The following CLDN1 variants were observed in gnomAD, a reference collection of about 807,000 sequenced individuals.
The protein encoded by CLDN1 is claudin-1.
In CLDN1, 12 loss-of-function variants were observed where a neutral mutation model predicts 22.6. The ratio of observed to expected loss-of-function variants is 0.53; its 90% CI spans 0.34 to 0.86. The LOEUF (loss-of-function observed/expected upper bound fraction) is 0.86. Ranked by LOEUF, CLDN1 falls within the 40% of genes least tolerant of loss-of-function variation. The pLI is 0.02. For missense variants in CLDN1, 250 were observed against 269.5 expected (o/e 0.93, Z 0.51); for synonymous variants, 99 against 103.8 (o/e 0.95, Z 0.28).
chr3:190,321,383 T>A (rs1716917602), intron 1 of CLDN1, among the ~76,000 whole-genome samples: 1 of 151,920 alleles, frequency 6.6e-6, no homozygotes, highest in Non-Finnish European at 1.5e-5. Context: ...CTCCAAAGAG[T>A]CTTGCAAGGG....
In CLDN1 at chr3:190,310,228, T is replaced by A. The variant is rs769700524; in HGVS notation, c.414A>T (p.Ala138=). ...CTTGAACGATTCTATTGCCATACCA[T>A]GCTGTGGCAACTAAAATAGCCAGAC... ...LAGLAILVAT[A]WYGNRIVQEF... The change falls in exon 3 of 4, where the codon GCA becomes GCT. Residue 138 remains alanine, a synonymous_variant. Coordinates refer to ENST00000295522, the MANE Select transcript of CLDN1 (RefSeq NM_021101.5). 1.9e-6 allele frequency: 3 copies of A among 1,613,786 alleles called. No individual in the cohort carries two copies. The East Asian group carries it at 6.7e-5, about 36-fold the overall frequency.
Position 190,322,106 on chromosome 3 carries a change from G to A in CLDN1, c.101C>T (p.Ser34Phe), listed in dbSNP as rs759722267. ...GGTCACGATGTTGTCGCCGGCATAG[G>A]AGTAAATCCTCCACTGGGGCAGGGC... ...STALPQWRIY[S>F]YAGDNIVTAQ... is the part of the protein sequence containing the mutation. The change falls in exon 1 of 4, where the codon TCC becomes TTC. Residue 34 changes from serine (S) to phenylalanine (F), a missense_variant. Physicochemically the swap from Ser to Phe is radical, Grantham distance 155. Transcript: ENST00000295522. The A allele has an allele frequency of 1.2e-6, 2 of 1,614,226 alleles. No individual in the cohort carries two copies. Among genetic ancestry groups the A allele is most frequent in the Non-Finnish European group, 1.7e-6 (2 of 1,180,046 alleles).
chr3:190,309,126 T>G (rs1716539648), intron 3 of CLDN1, among the ~76,000 whole-genome samples: 1 of 152,170 alleles, frequency 6.6e-6, no homozygotes, highest in Non-Finnish European at 1.5e-5. Context: ...GATAGCAACT[T>G]CACCTCTCAG....
chr3:190,312,743 T>C (rs1344531357), intron 2 of CLDN1, 129 bp downstream of exon 2: 1 of 985,188 alleles, frequency 1.0e-6, no homozygotes, highest in Non-Finnish European at 1.6e-6. Context: ...GAAAGTCAAC[T>C]GGACTTCAGG....
chr3:190,313,980 A>G (rs1258682194), intron 1 of CLDN1, among the ~76,000 whole-genome samples: 1 of 152,196 alleles, frequency 6.6e-6, no homozygotes, highest in Non-Finnish European at 1.5e-5. Flanking sequence ...TTCTAGATTT[A>G]TGTCCTCCTT....
At chr3:190,308,545 A>T in intron 3 of CLDN1, 106 bp from the exon 4 acceptor site, 1 of 1,073,782 alleles carries the variant, frequency 9.3e-7, no homozygotes, top group Non-Finnish European at 1.4e-6. Context: ...TTTCATTGAA[A>T]ATAACCCCTG....
intron 1 of CLDN1, among the ~76,000 whole-genome samples, chr3:190,316,807 T>G (rs1445124435): frequency 1.3e-5 from 2 of 152,174 alleles, no homozygotes; most frequent in Non-Finnish European, 2.9e-5. Context: ...GTAAAAATAC[T>G]TATTCTCTTG....
Position 190,305,748 on chromosome 3 carries a change from C to T in CLDN1, c.*2529G>A, listed in dbSNP as rs918015526. On this transcript the variant is annotated 3_prime_UTR_variant, in exon 4 of 4. Coordinates refer to ENST00000295522, the MANE Select transcript of CLDN1 (RefSeq NM_021101.5). Reference sequence around the variant, plus strand: ...AACAATTTATTGAAAAAGAGTAATGCTTTATACAAATTCCTATTATAAAAC... The same window carrying T: ...AACAATTTATTGAAAAAGAGTAATGTTTTATACAAATTCCTATTATAAAAC... 1 of 152,124 alleles carries T rather than the reference C, an allele frequency of 6.6e-6. No homozygotes were observed. The highest frequency in any genetic ancestry group is 2.4e-5 in the African/African-American group (1 of 41,402). The allele number at this position is 152,124 out of a possible 1,614,324, so 9.4% of individuals were successfully genotyped here. A position where few individuals can be genotyped will look rare whatever the true frequency, so the allele number is the denominator to read the frequency against.
Position 190,308,076 on chromosome 3 carries a change from T to G in CLDN1, c.*201A>C. 1.7e-6 allele frequency: 1 copy of G among 590,430 alleles called. No homozygotes were observed. Among genetic ancestry groups the G allele is most frequent in the Non-Finnish European group, 2.9e-6 (1 of 339,726 alleles). The allele number at this position is 590,430 out of a possible 1,614,324, so 36.6% of individuals were successfully genotyped here. A position where few individuals can be genotyped will look rare whatever the true frequency, so the allele number is the denominator to read the frequency against. ...AAATGGAAAAATCTTCCCTCCTATA[T>G]TGAGGAAAGAAGATAAAATAAGATT... On this transcript the variant is annotated 3_prime_UTR_variant, in exon 4 of 4. Transcript: ENST00000295522.
intron 2 of CLDN1, among the ~76,000 whole-genome samples, chr3:190,311,251 G>T (rs191957047): frequency 6.6e-6 from 1 of 152,316 alleles, no homozygotes; most frequent in African/African-American, 2.4e-5. Flanking sequence ...AGAATGCAAT[G>T]CATTTCATCC....
Position 190,308,435 on chromosome 3 carries a change from C to A in CLDN1, c.478G>T (p.Glu160Ter). 1 of 1,613,378 alleles carries A rather than the reference C, an allele frequency of 6.2e-7. No individual in the cohort carries two copies. Among genetic ancestry groups the A allele is most frequent in the South Asian group, 1.1e-5 (1 of 91,044 alleles). Reference protein sequence around the residue: ...DPMTPVNARYEFGQALFTGWA... With the variant: ...DPMTPVNARY ...CCAGTGAAGAGAGCCTGACCAAATT[C>A]GTACCTAAAAGGAAAAACCCATGTG... Residue 160 changes from glutamate (E) to a stop codon, truncating the protein, a stop_gained, in exon 4 of 4, where the codon GAA becomes TAA. Coordinates refer to ENST00000295522, the MANE Select transcript of CLDN1 (RefSeq NM_021101.5). LOFTEE classifies it high-confidence loss of function.
chr3:190,322,385 G>A lies in CLDN1; in HGVS notation c.-179C>T. ...TGGGTCGGGGTTGGGGTCCGCGCCC[G>A]GGGCGGCGCTGGAGTCTGGATACTA... On this transcript the variant is annotated 5_prime_UTR_variant, in exon 1 of 4. Coordinates refer to ENST00000295522, the MANE Select transcript of CLDN1 (RefSeq NM_021101.5). 1.5e-6 allele frequency: 1 copy of A among 645,688 alleles called. No individual in the cohort carries two copies. Among genetic ancestry groups the A allele is most frequent in the South Asian group, 1.8e-5 (1 of 55,594 alleles). The allele number at this position is 645,688 out of a possible 1,614,324, so 40.0% of individuals were successfully genotyped here.
Position 190,311,749 on chromosome 3 carries a change from G to GAT in CLDN1, c.388+1121_388+1122dup, listed in dbSNP as rs571849327. ...ATATAACACAGTGTATAGATATAAA[G>GAT]ATATATATATACACACAGAGAGATT... On this transcript the variant is annotated intron_variant, in intron 2 of 3. Transcript: ENST00000295522. Among the ~76,000 whole-genome samples the GAT allele has an allele frequency of 3.3e-3, 491 of 150,978 alleles. 4 individuals carry two copies. Among genetic ancestry groups the GAT allele is most frequent in the Non-Finnish European group, 5.6e-3 (382 of 67,784 alleles).
chr3:190,322,061 C>A lies in CLDN1; in HGVS notation c.146G>T (p.Gly49Val), dbSNP rs1374844180. 5 of 1,614,174 alleles carry A rather than the reference C, an allele frequency of 3.1e-6. No homozygotes were observed. Among genetic ancestry groups the A allele is most frequent in the Non-Finnish European group, 4.2e-6 (5 of 1,180,032 alleles). Residue 49 changes from glycine to valine, a missense_variant, in exon 1 of 4, where the codon GGG becomes GTG. Gly to Val is a moderately radical substitution (Grantham distance 109). Transcript: ENST00000295522. ...CTGCGACACGCAGGACATCCACAGC[C>A]CCTCGTACATGGCCTGGGCGGTCAC... ...NIVTAQAMYE[G>V]LWMSCVSQST...
intron 1 of CLDN1, among the ~76,000 whole-genome samples, chr3:190,318,660 T>G (rs1010180962): frequency 3.9e-5 from 6 of 152,224 alleles, no homozygotes; most frequent in African/African-American, 9.6e-5. Context: ...GATTTTTGCT[T>G]CAACTTCCAT....
intron 2 of CLDN1, 47 bp from the exon 3 acceptor site, chr3:190,310,300 A>G: frequency 6.9e-7 from 1 of 1,445,656 alleles, no homozygotes; most frequent in Non-Finnish European, 9.7e-7. Context: ...TGGAACACTG[A>G]GCCTAAATAC....
chr3:190,318,203 A>C (rs1716820534), intron 1 of CLDN1, among the ~76,000 whole-genome samples: 1 of 152,224 alleles, frequency 6.6e-6, no homozygotes, highest in Admixed American at 6.5e-5. Flanking sequence ...TGGATGAGGC[A>C]GGATGTACCA....
In CLDN1 at chr3:190,308,427, A is replaced by C. The variant is rs765638287; in HGVS notation, c.486T>G (p.Gly162=). The part of the protein sequence containing the change: ...MTPVNARYEF[G]QALFTGWAAA... ...CAGCCCAGCCAGTGAAGAGAGCCTG[A>C]CCAAATTCGTACCTAAAAGGAAAAA... The change falls in exon 4 of 4, where the codon GGT becomes GGG. Residue 162 remains glycine, a synonymous_variant. Coordinates refer to ENST00000295522, the MANE Select transcript of CLDN1 (RefSeq NM_021101.5). The C allele has an allele frequency of 5.6e-6, 9 of 1,613,674 alleles. No individual in the cohort carries two copies. The South Asian group carries it at 9.9e-5, about 18-fold the overall frequency.
At position 190,310,206 on chromosome 3, in the gene CLDN1, G is replaced by T. The variant is rs745633918; in HGVS notation, c.436C>A (p.Gln146Lys). Residue 146 changes from glutamine to lysine, a missense_variant, in exon 3 of 4, where the codon CAA becomes AAA. Coordinates refer to ENST00000295522, the MANE Select transcript of CLDN1 (RefSeq NM_021101.5). ...GGGGTCATAGGGTCATAGAATTCTTGAACGATTCTATTGCCATACCATGCT... is the reference window on the plus strand; with the variant it reads ...GGGGTCATAGGGTCATAGAATTCTTTAACGATTCTATTGCCATACCATGCT... ...ATAWYGNRIV[Q>K]EFYDPMTPVN... The T allele has an allele frequency of 1.9e-6, 3 of 1,613,844 alleles. No homozygotes were observed. Among genetic ancestry groups the T allele is most frequent in the Non-Finnish European group, 2.5e-6 (3 of 1,179,826 alleles).
Sources: allele counts gnomAD v4.1 joint callset (sites outside exome capture counted in the v4.1 genomes callset), GRCh38; gene constraint gnomAD v4.1.1; transcripts MANE v1.5; gene names NCBI Gene and HGNC (gene_info 2026-07-23, HGNC 2026-07-21).